ARB2A: variants seen among roughly 807,000 people sequenced by gnomAD.
The protein encoded by ARB2A is ARB2 cotranscriptional regulator A.
At chr5:94,090,842 G>A in the ARB2A span, among the ~76,000 whole-genome samples, 140 of 152,300 alleles carry the variant, frequency 9.2e-4, no homozygotes, top group Middle Eastern at 6.8e-3. Context: ...ATTTGTGTAT[G>A]TTGAACCAGC....
chr5:93,786,194 C>A, the ARB2A span, among the ~76,000 whole-genome samples: 1 of 152,166 alleles, frequency 6.6e-6, no homozygotes, highest in Non-Finnish European at 1.5e-5. Context: ...AAGACAGCAT[C>A]TGAAGACACT....
the ARB2A span, among the ~76,000 whole-genome samples, chr5:93,678,816 A>C: frequency 6.6e-6 from 1 of 152,134 alleles, no homozygotes; most frequent in Admixed American, 6.5e-5. Context: ...GCATACTAAC[A>C]AGTTAATGGC....
the ARB2A span, among the ~76,000 whole-genome samples, chr5:93,651,376 T>G: frequency 6.6e-6 from 1 of 152,204 alleles, no homozygotes; most frequent in African/African-American, 2.4e-5. Context: ...GCTCAAGTTA[T>G]CCTTCAGCCA....
the ARB2A span, among the ~76,000 whole-genome samples, chr5:93,645,576 GAA>G: frequency 2.2e-5 from 2 of 90,090 alleles, no homozygotes. Flanking sequence ...CCGTCTCAAA[GAA>G]AAAAAAAAAA....
At chr5:93,776,594 A>G in the ARB2A span, among the ~76,000 whole-genome samples, 2 of 152,184 alleles carry the variant, frequency 1.3e-5, no homozygotes, top group Non-Finnish European at 2.9e-5. Flanking sequence ...CGTGGCCAAC[A>G]TGGTGAAACT....
chr5:93,774,168 T>C, the ARB2A span, among the ~76,000 whole-genome samples: 5 of 152,206 alleles, frequency 3.3e-5, no homozygotes, highest in Non-Finnish European at 7.3e-5. Context: ...GATAAAGGTG[T>C]TCTGACTGCA....
the ARB2A span, among the ~76,000 whole-genome samples, chr5:93,800,963 G>A: frequency 1.9e-4 from 29 of 152,078 alleles, no homozygotes; most frequent in Admixed American, 1.6e-3. Context: ...ACGAACATGT[G>A]AAAAATTACA....
At chr5:93,931,881 T>A in the ARB2A span, among the ~76,000 whole-genome samples, 2 of 152,196 alleles carry the variant, frequency 1.3e-5, no homozygotes, top group African/African-American at 4.8e-5. Flanking sequence ...ATTATATAGT[T>A]TGTACTCTTT....
chr5:94,026,800 C>T, the ARB2A span, among the ~76,000 whole-genome samples: 36 of 152,174 alleles, frequency 2.4e-4, no homozygotes, highest in African/African-American at 8.2e-4. Context: ...AGGTTGGACC[C>T]GCCCCATCTG....
At chr5:93,709,617 G>A in the ARB2A span, among the ~76,000 whole-genome samples, 1 of 129,770 alleles carries the variant, frequency 7.7e-6, no homozygotes, top group African/African-American at 3.1e-5. Context: ...TGGGTGACAG[G>A]GTGAGACTCT....
At chr5:93,993,858 A>G in the ARB2A span, among the ~76,000 whole-genome samples, 1 of 151,402 alleles carries the variant, frequency 6.6e-6, no homozygotes, top group Middle Eastern at 3.5e-3. Context: ...TATTTAAAAG[A>G]TTCAAAAATA....
chr5:94,034,693 T>C, the ARB2A span, among the ~76,000 whole-genome samples: 1 of 152,226 alleles, frequency 6.6e-6, no homozygotes, highest in Non-Finnish European at 1.5e-5. Flanking sequence ...CCTTTTCACA[T>C]GCGTCCATTA....
At chr5:93,829,302 C>A in the ARB2A span, among the ~76,000 whole-genome samples, 14 of 152,036 alleles carry the variant, frequency 9.2e-5, no homozygotes, top group Non-Finnish European at 1.8e-4. Flanking sequence ...CTAATTGGGC[C>A]CTATTTTTCT....
the ARB2A span, among the ~76,000 whole-genome samples, chr5:93,820,994 C>G: frequency 4.4e-4 from 67 of 151,762 alleles, no homozygotes; most frequent in African/African-American, 1.6e-3. Context: ...AGATTTACTA[C>G]CATAAAATGA....
At chr5:93,891,310 A>G in the ARB2A span, among the ~76,000 whole-genome samples, 2 of 152,050 alleles carry the variant, frequency 1.3e-5, no homozygotes, top group Non-Finnish European at 2.9e-5. Flanking sequence ...TGGCACTTAT[A>G]ATTGCCCCCT....
At chr5:93,910,596 T>C in the ARB2A span, 1 of 151,390 alleles carries the variant, frequency 6.6e-6, no homozygotes, top group Non-Finnish European at 1.5e-5. Context: ...ACTACTTTAG[T>C]TCTTCACAAG....
the ARB2A span, among the ~76,000 whole-genome samples, chr5:93,637,354 G>GTTTT: frequency 0.024 from 2,777 of 115,940 alleles, 122 homozygotes; most frequent in African/African-American, 0.074. Flanking sequence ...GGGTTGTTTA[G>GTTTT]TTTTTTTTTT....
the ARB2A span, among the ~76,000 whole-genome samples, chr5:93,636,842 T>C: frequency 6.6e-6 from 1 of 152,264 alleles, no homozygotes; most frequent in Non-Finnish European, 1.5e-5. Context: ...CATTTATTCA[T>C]TAATTCATGT....
chr5:93,765,426 G>C, the ARB2A span, among the ~76,000 whole-genome samples: 1 of 152,134 alleles, frequency 6.6e-6, no homozygotes, highest in South Asian at 2.1e-4. Flanking sequence ...GCCAAATCAT[G>C]AGTGAACTCC....
Sources: gnomAD v4.1 joint callset for allele counts (sites outside exome capture counted in the v4.1 genomes callset) on GRCh38, gnomAD v4.1.1 for gene constraint, MANE v1.5 for transcripts, NCBI Gene and HGNC (gene_info 2026-07-23, HGNC 2026-07-21) for gene names.